The following PTPRM variants were observed in gnomAD, a reference collection of about 807,000 sequenced individuals.
PTPRM encodes protein tyrosine phosphatase receptor type M, also known as receptor-type tyrosine-protein phosphatase mu.
In PTPRM, 47 loss-of-function variants were observed where a neutral mutation model predicts 186.7. The observed-to-expected ratio is 0.25, with a 90% CI of 0.20 to 0.32. The LOEUF (loss-of-function observed/expected upper bound fraction) is 0.32, where lower values mean the gene tolerates loss of function less well. Ranked by LOEUF, PTPRM falls within the 10% of genes least tolerant of loss-of-function variation. The probability of loss-of-function intolerance (pLI) is 1.00; values close to 1 mark genes in which losing one functional copy is unlikely to be tolerated. For missense variants in PTPRM, 1,494 were observed against 1,865.0 expected (o/e 0.80, Z 3.66); for synonymous variants, 668 against 674.9 (o/e 0.99, Z 0.16).
chr18:8,283,547 G>T (rs1314715295), intron 19 of PTPRM, among the ~76,000 whole-genome samples: 1 of 152,028 alleles, frequency 6.6e-6, no homozygotes, highest in Non-Finnish European at 1.5e-5. Flanking sequence ...AGACATTTTG[G>T]GTAAAAATTT....
intron 1 of PTPRM, among the ~76,000 whole-genome samples, chr18:7,623,806 T>C (rs1049483830): frequency 1.3e-5 from 2 of 152,048 alleles, no homozygotes; most frequent in African/African-American, 4.8e-5. Context: ...GCATGTGAGG[T>C]AGGTGGCATT....
chr18:8,348,949 G>C (rs2095519945), intron 23 of PTPRM, among the ~76,000 whole-genome samples: 1 of 152,178 alleles, frequency 6.6e-6, no homozygotes, highest in African/African-American at 2.4e-5. Flanking sequence ...CTCTATCACA[G>C]TAGGGGATGG....
intron 19 of PTPRM, among the ~76,000 whole-genome samples, chr18:8,288,948 C>T (rs1015410168): frequency 2.0e-5 from 3 of 152,254 alleles, no homozygotes; most frequent in South Asian, 2.1e-4. Context: ...TTCCATAAAA[C>T]GTGGTAACCA....
chr18:8,084,792 G>A (rs953079699), intron 9 of PTPRM, among the ~76,000 whole-genome samples: 7 of 152,116 alleles, frequency 4.6e-5, no homozygotes, highest in South Asian at 2.1e-4. Context: ...GCATGTTCTT[G>A]AATAGTTGAT....
intron 11 of PTPRM, among the ~76,000 whole-genome samples, chr18:8,109,721 C>T (rs1172589879): frequency 1.3e-5 from 2 of 152,036 alleles, no homozygotes. Flanking sequence ...TAGAGCAGTG[C>T]CTGACACCTA....
At chr18:7,980,770 C>T (rs1248539703) in intron 7 of PTPRM, among the ~76,000 whole-genome samples, 34 of 152,130 alleles carry the variant, frequency 2.2e-4, no homozygotes, top group East Asian at 1.9e-4. Context: ...CACAGCTCCC[C>T]TATCCTCCTC....
At chr18:8,241,133 G>T (rs1474563981) in intron 14 of PTPRM, among the ~76,000 whole-genome samples, 1 of 152,132 alleles carries the variant, frequency 6.6e-6, no homozygotes, top group African/African-American at 2.4e-5. Context: ...TTTGAGACGA[G>T]CCTGGCCAAC....
At chr18:7,720,853 A>C (rs1352300329) in intron 1 of PTPRM, among the ~76,000 whole-genome samples, 1 of 152,132 alleles carries the variant, frequency 6.6e-6, no homozygotes, top group Non-Finnish European at 1.5e-5. Context: ...TGTATGTACC[A>C]CATTTTGTCT....
At chr18:7,691,672 T>C (rs2039735919) in intron 1 of PTPRM, among the ~76,000 whole-genome samples, 1 of 152,130 alleles carries the variant, frequency 6.6e-6, no homozygotes, top group South Asian at 2.1e-4. Flanking sequence ...TTTGGTACTT[T>C]GGGAGGTTGA....
chr18:8,281,589 A>G (rs1319148232), intron 19 of PTPRM, among the ~76,000 whole-genome samples: 1 of 151,998 alleles, frequency 6.6e-6, no homozygotes, highest in Admixed American at 6.6e-5. Context: ...TTTTGCCTCA[A>G]CTCTTTCCGC....
At chr18:8,146,049 G>T (rs1343653725) in intron 14 of PTPRM, among the ~76,000 whole-genome samples, 23 of 140,288 alleles carry the variant, frequency 1.6e-4, no homozygotes, top group Admixed American at 4.2e-4. Flanking sequence ...TTTTTGAGAT[G>T]GAGTTGTTTG....
At chr18:7,801,170 A>T (rs2043945024) in intron 2 of PTPRM, among the ~76,000 whole-genome samples, 1 of 152,206 alleles carries the variant, frequency 6.6e-6, no homozygotes, top group Admixed American at 6.5e-5. Flanking sequence ...TATTTTATAA[A>T]TTTATAATTT....
intron 1 of PTPRM, among the ~76,000 whole-genome samples, chr18:7,768,648 A>T (rs867440260): frequency 1.3e-3 from 185 of 137,276 alleles, no homozygotes; most frequent in South Asian, 3.8e-3. Context: ...ATATATATAT[A>T]TTTTTTTTTT....
At chr18:7,907,360 G>A (rs1410387444) in intron 4 of PTPRM, among the ~76,000 whole-genome samples, 1 of 152,176 alleles carries the variant, frequency 6.6e-6, no homozygotes, top group Non-Finnish European at 1.5e-5. Flanking sequence ...AGAATTGGAG[G>A]GCAGTGGTAT....
chr18:8,201,518 C>G (rs948528650), intron 14 of PTPRM, among the ~76,000 whole-genome samples: 7 of 152,144 alleles, frequency 4.6e-5, no homozygotes, highest in African/African-American at 1.7e-4. Flanking sequence ...TTAGTCTGCT[C>G]AGGCTTCCAT....
At chr18:8,030,019 C>T (rs2085857928) in intron 7 of PTPRM, among the ~76,000 whole-genome samples, 1 of 152,192 alleles carries the variant, frequency 6.6e-6, no homozygotes, top group Admixed American at 6.5e-5. Flanking sequence ...GTAAACAGCG[C>T]AGACCAATCC....
At chr18:8,208,763 TG>T (rs2093963515) in intron 14 of PTPRM, among the ~76,000 whole-genome samples, 2 of 152,194 alleles carry the variant, frequency 1.3e-5, no homozygotes, top group South Asian at 4.1e-4. Flanking sequence ...CCTCCCACCT[TG>T]GCCCCCCAAA....
intron 1 of PTPRM, among the ~76,000 whole-genome samples, chr18:7,677,987 C>G (rs540152590): frequency 6.6e-6 from 1 of 152,000 alleles, no homozygotes; most frequent in Non-Finnish European, 1.5e-5. Context: ...TGTCGTACTC[C>G]GGGCACCTGA....
chr18:7,648,534 A>G (rs1045112751), intron 1 of PTPRM, among the ~76,000 whole-genome samples: 6 of 152,204 alleles, frequency 3.9e-5, no homozygotes, highest in Non-Finnish European at 8.8e-5. Context: ...CTTGAAGGAG[A>G]TTGAAAGTGC....
Sources: gnomAD v4.1 joint callset for allele counts (sites outside exome capture counted in the v4.1 genomes callset) on GRCh38, gnomAD v4.1.1 for gene constraint, MANE v1.5 for transcripts, NCBI Gene and HGNC (gene_info 2026-07-23, HGNC 2026-07-21) for gene names.